Variants in TXLNB observed in about 807,000 individuals in gnomAD.
The protein encoded by TXLNB is beta-taxilin.
TXLNB carries 37 observed loss-of-function variants against 57.4 expected under a neutral mutation model. The observed-to-expected ratio is 0.64, with a 90% CI of 0.50 to 0.85. The LOEUF is 0.85. Among genes scored for constraint, TXLNB ranks in the 40% least tolerant of loss-of-function variants. The probability of loss-of-function intolerance (pLI) is 0.00; values close to 1 mark genes in which losing one functional copy is unlikely to be tolerated. For synonymous variants in TXLNB, 302 were observed against 309.6 expected (o/e 0.98, Z 0.26); for missense variants, 848 against 825.6 (o/e 1.03, Z -0.33).
chr6:139,193,855 T>A, the TXLNB span, among the ~76,000 whole-genome samples: 40 of 133,688 alleles, frequency 3.0e-4, no homozygotes, highest in African/African-American at 1.1e-3. Flanking sequence ...TTTTTTTTTT[T>A]TTTTGAGACG....
the TXLNB span, among the ~76,000 whole-genome samples, chr6:139,209,311 G>A: frequency 6.6e-6 from 1 of 152,088 alleles, no homozygotes; most frequent in Non-Finnish European, 1.5e-5. Flanking sequence ...GGCACAAATG[G>A]AAACACATCC....
At chr6:139,301,689 G>A in the TXLNB span, among the ~76,000 whole-genome samples, 9 of 152,248 alleles carry the variant, frequency 5.9e-5, no homozygotes, top group African/African-American at 2.2e-4. Flanking sequence ...GGGGCAACAA[G>A]CCCCCACCAA....
intron 7 of TXLNB, among the ~76,000 whole-genome samples, chr6:139,254,794 A>C (rs369270047): frequency 6.6e-6 from 1 of 152,122 alleles, no homozygotes; most frequent in African/African-American, 2.4e-5. Flanking sequence ...TAGAAACTTG[A>C]GTGGTGACTA....
the TXLNB span, among the ~76,000 whole-genome samples, chr6:139,228,962 G>A: frequency 1.1e-4 from 17 of 152,248 alleles, no homozygotes; most frequent in South Asian, 6.2e-4. Context: ...TTTTAGGCCC[G>A]TCTCCTGAGG....
chr6:139,260,569 G>T, intron 5 of TXLNB, 132 bp from the exon 6 acceptor site: 1 of 971,164 alleles, frequency 1.0e-6, no homozygotes, highest in Non-Finnish European at 1.5e-6. Context: ...AAATGCATTG[G>T]CATCACTTAC....
At chr6:139,174,566 A>C in the TXLNB span, 1 of 1,606,262 alleles carries the variant, frequency 6.2e-7, no homozygotes, top group Non-Finnish European at 8.5e-7. Flanking sequence ...CTGAGGGAGC[A>C]GTGGGTGATA....
the TXLNB span, among the ~76,000 whole-genome samples, chr6:139,192,667 G>A: frequency 1.3e-5 from 2 of 152,096 alleles, no homozygotes; most frequent in Non-Finnish European, 2.9e-5. Context: ...GTTGTGGGTC[G>A]GGCATGATGG....
chr6:139,161,241 G>T, the TXLNB span, among the ~76,000 whole-genome samples: 1 of 152,126 alleles, frequency 6.6e-6, no homozygotes, highest in Non-Finnish European at 1.5e-5. Flanking sequence ...CCCTGCTGGT[G>T]TGTCATAGGG....
chr6:139,247,532 C>CTTTTTTTTTTTT (rs61368061), intron 8 of TXLNB, among the ~76,000 whole-genome samples: 1 of 63,078 alleles, frequency 1.6e-5, no homozygotes, highest in African/African-American at 6.1e-5. Flanking sequence ...CTCTGGTCTT[C>CTTTTTTTTTTTT]TTTTTTTTTT....
At chr6:139,212,696 G>C in the TXLNB span, among the ~76,000 whole-genome samples, 81 of 152,262 alleles carry the variant, frequency 5.3e-4, no homozygotes, top group African/African-American at 1.9e-3. Flanking sequence ...ATTGGATAAA[G>C]AGTCAAGACC....
chr6:139,262,517 C>T, intron 5 of TXLNB, 62 bp downstream of exon 5: 4 of 1,417,650 alleles, frequency 2.8e-6, no homozygotes, highest in Non-Finnish European at 3.8e-6. Context: ...AACCAAGTTC[C>T]CACCTTTAGC....
the TXLNB span, among the ~76,000 whole-genome samples, chr6:139,167,629 C>T: frequency 6.6e-6 from 1 of 152,272 alleles, no homozygotes; most frequent in East Asian, 1.9e-4. Flanking sequence ...GCATATTTGT[C>T]ACTTACTGTA....
the TXLNB span, among the ~76,000 whole-genome samples, chr6:139,321,564 T>C: frequency 2.7e-5 from 4 of 150,154 alleles, no homozygotes; most frequent in African/African-American, 9.9e-5. Context: ...TTTTTTAATC[T>C]ATGGAGACTT....
At chr6:139,188,419 C>T in the TXLNB span, among the ~76,000 whole-genome samples, 2 of 152,160 alleles carry the variant, frequency 1.3e-5, no homozygotes, top group Non-Finnish European at 2.9e-5. Flanking sequence ...GCTCAAAAAC[C>T]TATTTCTTCT....
chr6:139,315,753 A>G, the TXLNB span, among the ~76,000 whole-genome samples: 1 of 152,242 alleles, frequency 6.6e-6, no homozygotes, highest in South Asian at 2.1e-4. Flanking sequence ...AGCAAATGAT[A>G]GAAGAAAAAT....
the TXLNB span, among the ~76,000 whole-genome samples, chr6:139,319,254 CT>C: frequency 6.6e-6 from 1 of 150,456 alleles, no homozygotes; most frequent in African/African-American, 2.5e-5. Context: ...GTCTTTCTCC[CT>C]TTAAAATTTT....
Position 139,267,814 on chromosome 6 carries a change from A to G in TXLNB, c.687+2642T>C, listed in dbSNP as rs114800938. 5.6e-3 allele frequency among the ~76,000 whole-genome samples: 859 copies of G among 152,258 alleles called. 4 individuals carry two copies. Among genetic ancestry groups the G allele is most frequent in the African/African-American group, 0.02 (825 of 41,562 alleles). On this transcript the variant is annotated intron_variant, in intron 4 of 9. Coordinates refer to ENST00000358430, the MANE Select transcript of TXLNB (RefSeq NM_153235.4). ...CCAGGCAAACAATAAGAGTAAGAAAACTAGAGTGGCTAAATTGATATCAGA... is the reference window on the plus strand; with the variant it reads ...CCAGGCAAACAATAAGAGTAAGAAAGCTAGAGTGGCTAAATTGATATCAGA...
At chr6:139,185,490 A>G in the TXLNB span, among the ~76,000 whole-genome samples, 4 of 152,160 alleles carry the variant, frequency 2.6e-5, no homozygotes, top group Admixed American at 2.6e-4. Flanking sequence ...TCATGAGGTC[A>G]TGAGATCGAG....
chr6:139,239,959 G>A (rs1310430893), downstream of TXLNB: 1 of 151,410 alleles, frequency 6.6e-6, no homozygotes, highest in East Asian at 1.9e-4. The surrounding 1 kb of genome is among the most constrained non-coding windows in gnomAD (Gnocchi z 4.7). Context: ...ATAAACTACA[G>A]AATAAAACCA....
Sources: allele counts gnomAD v4.1 joint callset (sites outside exome capture counted in the v4.1 genomes callset), GRCh38; gene constraint gnomAD v4.1.1; non-coding constraint Gnocchi (gnomAD v3.1); transcripts MANE v1.5; gene names NCBI Gene and HGNC (gene_info 2026-07-23, HGNC 2026-07-21).